Variants in ORC3 observed in about 807,000 individuals in gnomAD.
ORC3 encodes the protein homolog of latheo, Drosophila.
Under a neutral mutation model 100.7 loss-of-function variants are expected in ORC3, and 78 were observed. That is an observed-to-expected ratio of 0.77 (90% CI 0.65 to 0.94). The LOEUF (loss-of-function observed/expected upper bound fraction) is 0.94. Among genes scored for constraint, ORC3 ranks in the 40% least tolerant of loss-of-function variants. The pLI, the probability that ORC3 is intolerant of heterozygous loss-of-function variation, is 0.00. For missense variants in ORC3, 789 were observed against 823.9 expected, an observed-to-expected ratio of 0.96 and a Z score of 0.52; for synonymous variants, 295 against 289.3, an observed-to-expected ratio of 1.02 and a Z score of -0.20.
chr6:87,623,701 T>C (rs774479720), intron 11 of ORC3, among the ~76,000 whole-genome samples: 79 of 152,020 alleles, frequency 5.2e-4, no homozygotes, highest in Admixed American at 1.2e-3. Context: ...CTGGCCAACA[T>C]TGTGAAACCC....
At chr6:87,613,135 AAAAG>A (rs1477071013) in intron 8 of ORC3, among the ~76,000 whole-genome samples, 1 of 152,214 alleles carries the variant, frequency 6.6e-6, no homozygotes, top group Non-Finnish European at 1.5e-5. Context: ...GGCAATTTAC[AAAAG>A]AAAGAGGTTT....
chr6:87,676,322 G>T, the ORC3 span, among the ~76,000 whole-genome samples: 1 of 149,666 alleles, frequency 6.7e-6, no homozygotes, highest in Non-Finnish European at 1.5e-5. Flanking sequence ...AAAATTAGCT[G>T]GGCATGGTGG....
the ORC3 span, among the ~76,000 whole-genome samples, chr6:87,676,447 C>CAA: frequency 0.052 from 2,174 of 41,840 alleles, 115 homozygotes; most frequent in East Asian, 0.071. Context: ...GCCTGGGCAA[C>CAA]AAAAAAAAAA....
At chr6:87,617,224 T>C (rs1779223022) in intron 9 of ORC3, among the ~76,000 whole-genome samples, 1 of 152,230 alleles carries the variant, frequency 6.6e-6, no homozygotes, top group Admixed American at 6.5e-5. Flanking sequence ...TGTGTGTGTG[T>C]GTCTCTGTAA....
At chr6:87,598,493 C>G (rs750057738) in intron 2 of ORC3, among the ~76,000 whole-genome samples, 17 of 152,264 alleles carry the variant, frequency 1.1e-4, no homozygotes, top group Non-Finnish European at 2.2e-4. Flanking sequence ...ATGATTTAAC[C>G]ATAGCTTAAT....
chr6:87,650,068 T>C (rs1010237100), intron 13 of ORC3, among the ~76,000 whole-genome samples: 1 of 151,008 alleles, frequency 6.6e-6, no homozygotes, highest in African/African-American at 2.4e-5. Flanking sequence ...TCTCTTTTTT[T>C]TTTTTTTTTT....
rs949193194 is a variant in ORC3, at chr6:87,606,099, T to G, written c.427+78T>G. ...ATCCTTTTCTCTCTTTTTCAGGCTT[T>G]CTTTATCCCTTTTTTTGGTGGAAAG... On this transcript the variant is annotated intron_variant, in intron 5 of 19. Coordinates refer to ENST00000392844, the MANE Select transcript of ORC3 (RefSeq NM_012381.4). 5 of 841,464 alleles carry G rather than the reference T, an allele frequency of 5.9e-6. No homozygotes were observed. In the Admixed American group the frequency reaches 8.1e-5, roughly 14 times the overall value. 52.1% of individuals were successfully genotyped at this position (841,464 alleles called of 1,614,324 possible). A position where few individuals can be genotyped will look rare whatever the true frequency, so the allele number is the denominator to read the frequency against.
Position 87,651,362 on chromosome 6 carries a change from G to A in ORC3, c.1383-1754G>A. On this transcript the variant is annotated intron_variant, in intron 13 of 19. Coordinates refer to ENST00000392844, the MANE Select transcript of ORC3 (RefSeq NM_012381.4). The stretch of plus-strand genomic sequence containing the variant: ...CGGTGATTCCTTGGACACCAGAAAT[G>A]CTAATCTTGTCTATTTGAATAGGCC... 1.5e-5 allele frequency: 7 copies of A among 453,152 alleles called. 1 individual carries two copies. In the Middle Eastern group the frequency reaches 2.0e-3, roughly 129 times the overall value. 28.1% of individuals were successfully genotyped at this position (453,152 alleles called of 1,614,324 possible). A position where few individuals can be genotyped will look rare whatever the true frequency, so the allele number is the denominator to read the frequency against.
chr6:87,621,870 G>A, intron 10 of ORC3, 80 bp from the exon 11 acceptor site: 1 of 966,218 alleles, frequency 1.0e-6, no homozygotes, highest in Non-Finnish European at 1.6e-6. Context: ...AATCTAGGTA[G>A]TTCTTTTTCC....
At chr6:87,603,724 CAT>C (rs1778139420) in intron 4 of ORC3, among the ~76,000 whole-genome samples, 196 bp downstream of exon 4, 1 of 152,050 alleles carries the variant, frequency 6.6e-6, no homozygotes, top group South Asian at 2.1e-4. Flanking sequence ...TACAGACGAT[CAT>C]ATGTTTGTAA....
chr6:87,614,610 T>C (rs1031914049), intron 8 of ORC3, among the ~76,000 whole-genome samples: 26 of 152,166 alleles, frequency 1.7e-4, no homozygotes, highest in Non-Finnish European at 3.2e-4. Context: ...AGTCACCTCT[T>C]GAATGCTTTG....
downstream of ORC3, among the ~76,000 whole-genome samples, chr6:87,668,795 C>T (rs1419275720): frequency 6.6e-6 from 1 of 152,110 alleles, no homozygotes; most frequent in African/African-American, 2.4e-5. Flanking sequence ...CCAGCCTGGC[C>T]AACCTGGTAA....
intron 12 of ORC3, among the ~76,000 whole-genome samples, chr6:87,635,442 A>G (rs770675154): frequency 6.6e-6 from 1 of 152,192 alleles, no homozygotes; most frequent in Non-Finnish European, 1.5e-5. Context: ...TTTAGCAGAG[A>G]AATTCTATAT....
intron 13 of ORC3, 49 bp downstream of exon 13, chr6:87,636,535 C>A: frequency 8.5e-7 from 1 of 1,173,986 alleles, no homozygotes; most frequent in Non-Finnish European, 1.3e-6. Flanking sequence ...TATAAGCCTG[C>A]CAGTAAGTAG....
chr6:87,661,213 T>C (rs934133242), intron 16 of ORC3, among the ~76,000 whole-genome samples: 3 of 152,230 alleles, frequency 2.0e-5, no homozygotes, highest in Non-Finnish European at 4.4e-5. Context: ...GAGGTTAGTG[T>C]AGGAAGAGTT....
At chr6:87,599,407 G>A (rs1398543084) in intron 2 of ORC3, among the ~76,000 whole-genome samples, 3 of 148,150 alleles carry the variant, frequency 2.0e-5, no homozygotes, top group South Asian at 2.1e-4. Flanking sequence ...TTGCTCTGTC[G>A]CCCAGGCTGG....
Position 87,623,611 on chromosome 6 carries a change from C to T in ORC3, c.1185+1598C>T, listed in dbSNP as rs116056228. On this transcript the variant is annotated intron_variant, in intron 11 of 19. Coordinates refer to ENST00000392844, the MANE Select transcript of ORC3 (RefSeq NM_012381.4). ...GAAATTGCCTGACATTGGTCAGGCA[C>T]GGTGGCTCACGCCTATCATCCCAGC... is the stretch of plus-strand genomic sequence containing the variant. 3.5e-3 allele frequency among the ~76,000 whole-genome samples: 534 copies of T among 152,264 alleles called. 1 individual carries two copies. Among genetic ancestry groups the T allele is most frequent in the African/African-American group, 0.012 (480 of 41,552 alleles).
Position 87,612,109 on chromosome 6 carries a change from C to G in ORC3, c.734C>G (p.Pro245Arg). 1 of 1,610,296 alleles carries G rather than the reference C, an allele frequency of 6.2e-7. No homozygotes were observed. Among genetic ancestry groups the G allele is most frequent in the Non-Finnish European group, 8.5e-7 (1 of 1,179,130 alleles). The change falls in exon 8 of 20, where the codon CCA (proline) becomes CGA (arginine). Residue 245 changes from proline to arginine, a missense_variant. Pro to Arg is a moderately radical substitution (Grantham distance 103, BLOSUM62 -2). Around this residue, in one of 3 missense-constraint regions of ORC3, gnomAD observed 399 missense variants for 382.0 expected, o/e 1.04. Transcript: ENST00000392844. ...ACTAGTCAACATCTCCATGAATTTC[C>G]ACTAATACTCATTTTTGGAATAGCC... ...IISSQHLHEF[P>R]LILIFGIATS...
chr6:87,674,744 G>A, the ORC3 span, among the ~76,000 whole-genome samples: 46 of 150,404 alleles, frequency 3.1e-4, 1 homozygote, highest in African/African-American at 1.1e-3. Flanking sequence ...AAAGTGCTGG[G>A]ATTACAGGCA....
Sources: allele counts gnomAD v4.1 joint callset (sites outside exome capture counted in the v4.1 genomes callset), GRCh38; gene constraint gnomAD v4.1.1; regional missense constraint gnomAD v4.1.1; transcripts MANE v1.5; gene names NCBI Gene and HGNC (gene_info 2026-07-23, HGNC 2026-07-21).